MLLT1: variants seen among roughly 807,000 people sequenced by gnomAD.
MLLT1 encodes the protein MLLT1 super elongation complex subunit, also known as protein ENL.
Under a neutral mutation model 55.1 loss-of-function variants are expected in MLLT1, and 11 were observed. That is an observed-to-expected ratio of 0.20 (90% CI 0.13 to 0.33). The LOEUF (loss-of-function observed/expected upper bound fraction) is 0.33. MLLT1 is among the 10% of genes least tolerant of loss of function. MLLT1 has a pLI of 1.00. For synonymous variants in MLLT1, 323 were observed against 320.1 expected (o/e 1.01, Z -0.10); for missense variants, 536 against 760.6 (o/e 0.70, Z 3.47).
At position 6,214,052 on chromosome 19, in the gene MLLT1, C is replaced by A; in HGVS notation, c.1308-14G>T. The stretch of plus-strand genomic sequence containing the variant: ...CTGAAGCTCAACCTGAACCGACACA[C>A]GGGGGCGCATCAGGCCCCTGCCGCC... On this transcript the variant is annotated splice_polypyrimidine_tract_variant and intron_variant, in intron 8 of 11. Transcript: ENST00000252674. The A allele has an allele frequency of 2.8e-6, 4 of 1,410,800 alleles. No homozygotes were observed. The highest frequency in any genetic ancestry group is 2.8e-6 in the Non-Finnish European group (3 of 1,080,532). The allele number at this position is 1,410,800 out of a possible 1,614,324, so 87.4% of individuals were successfully genotyped here.
rs2090781272 is a variant in MLLT1 at position 6,212,225 on chromosome 19, A to G, written c.*817T>C. 1.3e-5 allele frequency: 14 copies of G among 1,065,582 alleles called. No individual in the cohort carries two copies. The Admixed American group carries it at 3.7e-4, about 28-fold the overall frequency. The allele number at this position is 1,065,582 out of a possible 1,614,324, so 66.0% of individuals were successfully genotyped here. A position where few individuals can be genotyped will look rare whatever the true frequency, so the allele number is the denominator to read the frequency against. ...CTGGTGGCTCCCGGGCGCCCTGAGG[A>G]CTCGCTGCCCTTTGTAGTGTTGGCT... On this transcript the variant is annotated 3_prime_UTR_variant, in exon 12 of 12. Coordinates refer to ENST00000252674, the MANE Select transcript of MLLT1 (RefSeq NM_005934.4).
intron 3 of MLLT1, among the ~76,000 whole-genome samples, chr19:6,247,466 C>T (rs1026952515): frequency 6.6e-6 from 1 of 152,146 alleles, no homozygotes; most frequent in African/African-American, 2.4e-5. Flanking sequence ...AAACAGGTAA[C>T]AACAGACTGG....
Position 6,213,325 on chromosome 19 carries a change from G to T in MLLT1, c.1551+12C>A, listed in dbSNP as rs753744711. 6 of 1,611,772 alleles carry T rather than the reference G, an allele frequency of 3.7e-6. No individual in the cohort carries two copies. Among genetic ancestry groups the T allele is most frequent in the East Asian group, 2.2e-5 (1 of 44,868 alleles). ...CGACCTCTGCCGGGCAGGACCCTCA[G>T]GGGGGCGATACCTGCTGCAGCACGT... On this transcript the variant is annotated intron_variant, in intron 11 of 11. Transcript: ENST00000252674.
rs749877976 is a variant in MLLT1, at chr19:6,222,260, AAGG to A, written c.968_970del (p.Ser323del). ...GTCCTTGGCCGGCTTCTTGTCCGAGAAGGAGGAGGAGGAGGAGGTGCGGGGCGA... is the reference window on the plus strand; with the variant it reads ...GTCCTTGGCCGGCTTCTTGTCCGAGAAGGAGGAGGAGGAGGTGCGGGGCGA... On this transcript the variant is annotated inframe_deletion, in exon 6 of 12. Coordinates refer to ENST00000252674, the MANE Select transcript of MLLT1 (RefSeq NM_005934.4). The surrounding 1 kb of genome is among the most constrained non-coding windows in gnomAD (Gnocchi z 4.1). The A allele has an allele frequency of 2.5e-4, 398 of 1,596,840 alleles. No homozygotes were observed. The highest frequency in any genetic ancestry group is 5.6e-4 in the South Asian group (50 of 88,852).
chr19:6,218,206 A>G (rs1333062507), intron 6 of MLLT1, among the ~76,000 whole-genome samples, 165 bp from the exon 7 acceptor site: 3 of 152,198 alleles, frequency 2.0e-5, no homozygotes, highest in Non-Finnish European at 4.4e-5. Context: ...CCCACTAAGG[A>G]GCCAGCGGCC....
chr19:6,263,768 C>T lies in MLLT1; in HGVS notation c.194-1458G>A, dbSNP rs543634310. ...CAGTTTCTGAAAGGCAGAAGTCGGACGAGGACACGATGGGCAAGGGGCAGG... is the reference window on the plus strand; with the variant it reads ...CAGTTTCTGAAAGGCAGAAGTCGGATGAGGACACGATGGGCAAGGGGCAGG... On this transcript the variant is annotated intron_variant, in intron 2 of 11. Coordinates refer to ENST00000252674, the MANE Select transcript of MLLT1 (RefSeq NM_005934.4). Among the ~76,000 whole-genome samples the T allele has an allele frequency of 3.9e-5, 6 of 152,240 alleles. No individual in the cohort carries two copies. The East Asian group carries it at 5.8e-4, about 15-fold the overall frequency.
In MLLT1 at chr19:6,226,251, C is replaced by A. The variant is rs148993445; in HGVS notation, c.546+726G>T. On this transcript the variant is annotated intron_variant, in intron 5 of 11. Transcript: ENST00000252674. This position sits in a 1 kb window ranked among gnomAD's most constrained non-coding sequence, Gnocchi z 6.3. ...GGGCAGCTGCCCCGAGGGCCCGTGC[C>A]GCTCAGCCTCCAGGAACGGCTGTGC... 0.018 allele frequency among the ~76,000 whole-genome samples: 2,705 copies of A among 152,292 alleles called. 38 individuals carry two copies. The highest frequency in any genetic ancestry group is 0.051 in the Middle Eastern group (15 of 294).
chr19:6,241,264 T>C (rs1446925382), intron 3 of MLLT1, among the ~76,000 whole-genome samples: 1 of 152,156 alleles, frequency 6.6e-6, no homozygotes, highest in Non-Finnish European at 1.5e-5. Flanking sequence ...CGAGAGCCCG[T>C]GTCCCCCAAG....
intron 6 of MLLT1, among the ~76,000 whole-genome samples, chr19:6,220,899 C>T (rs573734001): frequency 6.6e-6 from 1 of 152,310 alleles, no homozygotes; most frequent in Admixed American, 6.5e-5. Flanking sequence ...GGCACCGGCC[C>T]CCCCACCGCC....
In MLLT1 at chr19:6,212,530, CGAGCCGGGGAG is replaced by C; in HGVS notation, c.*501_*511del. On this transcript the variant is annotated 3_prime_UTR_variant, in exon 12 of 12. Coordinates refer to ENST00000252674, the MANE Select transcript of MLLT1 (RefSeq NM_005934.4). Reference sequence around the variant, plus strand: ...ATACAGCACAGACCCCAGCGCAGCGCGAGCCGGGGAGGAGCCGGCGCTAGGTCTACACGGAG... The same window carrying C: ...ATACAGCACAGACCCCAGCGCAGCGCGAGCCGGCGCTAGGTCTACACGGAG... 20 of 1,080,622 alleles carry C rather than the reference CGAGCCGGGGAG, an allele frequency of 1.9e-5. No homozygotes were observed. Among genetic ancestry groups the C allele is most frequent in the Non-Finnish European group, 2.2e-5 (20 of 890,110 alleles). 66.9% of individuals were successfully genotyped at this position (1,080,622 alleles called of 1,614,324 possible). A position where few individuals can be genotyped will look rare whatever the true frequency, so the allele number is the denominator to read the frequency against.
intron 3 of MLLT1, among the ~76,000 whole-genome samples, chr19:6,248,862 G>A (rs1269535697): frequency 1.3e-5 from 2 of 152,116 alleles, no homozygotes; most frequent in African/African-American, 2.4e-5. Context: ...TTGTGGGGGA[G>A]GTCCTATGGG....
At chr19:6,248,768 C>G (rs899368649) in intron 3 of MLLT1, among the ~76,000 whole-genome samples, 8 of 152,158 alleles carry the variant, frequency 5.3e-5, no homozygotes, top group Non-Finnish European at 1.5e-5. Flanking sequence ...TAGTTTAGTT[C>G]ACGGCGATTG....
chr19:6,212,063 T>C lies in MLLT1; in HGVS notation c.*979A>G. The C allele has an allele frequency of 9.4e-7, 1 of 1,065,974 alleles. No individual in the cohort carries two copies. Among genetic ancestry groups the C allele is most frequent in the Non-Finnish European group, 1.1e-6 (1 of 879,446 alleles). The allele number at this position is 1,065,974 out of a possible 1,614,324, so 66.0% of individuals were successfully genotyped here. A position where few individuals can be genotyped will look rare whatever the true frequency, so the allele number is the denominator to read the frequency against. ...TCCCGTCTTATTTGGCAAAAGCTCATATTTTTTTCAAAGTTTGAAGACTTG... is the reference window on the plus strand; with the variant it reads ...TCCCGTCTTATTTGGCAAAAGCTCACATTTTTTTCAAAGTTTGAAGACTTG... On this transcript the variant is annotated 3_prime_UTR_variant, in exon 12 of 12. Coordinates refer to ENST00000252674, the MANE Select transcript of MLLT1 (RefSeq NM_005934.4).
At chr19:6,217,765 C>T (rs770028852) in intron 7 of MLLT1, among the ~76,000 whole-genome samples, 189 bp downstream of exon 7, 4 of 152,246 alleles carry the variant, frequency 2.6e-5, no homozygotes, top group Admixed American at 6.5e-5. Context: ...CCGGGCCTGA[C>T]TGGAGGTCTG....
Position 6,227,187 on chromosome 19 carries a change from C to A in MLLT1, c.421-85G>T, listed in dbSNP as rs532651620. 9.9e-4 allele frequency: 1,406 copies of A among 1,421,612 alleles called. 1 individual carries two copies. The highest frequency in any genetic ancestry group is 1.2e-3 in the Non-Finnish European group (1,270 of 1,055,374). 88.1% of individuals were successfully genotyped at this position (1,421,612 alleles called of 1,614,324 possible). ...CCGGGCTGAAGGTGGTGGGGCTTCCCTCTGCAGGAGGGGAGAAGGGAGAGC... is the reference window on the plus strand; with the variant it reads ...CCGGGCTGAAGGTGGTGGGGCTTCCATCTGCAGGAGGGGAGAAGGGAGAGC... On this transcript the variant is annotated intron_variant, in intron 4 of 11. Transcript: ENST00000252674. The surrounding 1 kb of genome is among the most constrained non-coding windows in gnomAD (Gnocchi z 5.1).
At chr19:6,216,541 G>C in intron 7 of MLLT1, 28 bp from the exon 8 acceptor site, 1 of 1,487,396 alleles carries the variant, frequency 6.7e-7, no homozygotes, top group Non-Finnish European at 9.2e-7. Context: ...GGAGGGAGGG[G>C]AGACAAGGGC....
chr19:6,241,908 C>G (rs907817746), intron 3 of MLLT1, among the ~76,000 whole-genome samples: 1 of 152,176 alleles, frequency 6.6e-6, no homozygotes, highest in Non-Finnish European at 1.5e-5. Context: ...GCCTCCCCCT[C>G]GGCCACATCA....
At chr19:6,216,727 C>T (rs572915929) in intron 7 of MLLT1, 11 of 570,140 alleles carry the variant, frequency 1.9e-5, no homozygotes, top group Non-Finnish European at 3.4e-5. Context: ...CTCCCCCACC[C>T]CTCCCTACCT....
intron 3 of MLLT1, among the ~76,000 whole-genome samples, chr19:6,237,369 T>C (rs1363351293): frequency 6.6e-6 from 1 of 152,168 alleles, no homozygotes; most frequent in Non-Finnish European, 1.5e-5. Flanking sequence ...CGACCCTGGC[T>C]GTCTCCTGGC....
Sources: allele counts gnomAD v4.1 joint callset (sites outside exome capture counted in the v4.1 genomes callset), GRCh38; gene constraint gnomAD v4.1.1; non-coding constraint Gnocchi (gnomAD v3.1); transcripts MANE v1.5; gene names NCBI Gene and HGNC (gene_info 2026-07-23, HGNC 2026-07-21).